ATP2C2: variants seen among roughly 807,000 people sequenced by gnomAD.
The protein encoded by ATP2C2 is calcium-transporting ATPase type 2C member 2.
Under a neutral mutation model 110.8 loss-of-function variants are expected in ATP2C2, and 171 were observed. The observed-to-expected ratio is 1.54, with a 90% CI of 1.36 to 1.75. The LOEUF (loss-of-function observed/expected upper bound fraction) is 1.75, where lower values mean the gene tolerates loss of function less well. ATP2C2 is among the 40% of genes most tolerant of loss of function. ATP2C2 has a pLI of 0.00. For missense variants in ATP2C2, 1,963 were observed against 1,235.0 expected (o/e 1.59, Z -8.84); for synonymous variants, 804 against 508.4 (o/e 1.58, Z -7.82).
rs1352005795 is a variant in ATP2C2, at chr16:84,442,735, C to G, written c.1401+136C>G. 4 of 797,310 alleles carry G rather than the reference C, an allele frequency of 5.0e-6. No homozygotes were observed. In the African/African-American group the frequency reaches 6.9e-5, roughly 14 times the overall value. 49.4% of individuals were successfully genotyped at this position (797,310 alleles called of 1,614,324 possible). A position where few individuals can be genotyped will look rare whatever the true frequency, so the allele number is the denominator to read the frequency against. ...ATGGAAGAAAATGGCCCACACTGGC[C>G]TTGGGCCATCTGTTGGTGGTGGAGG... is the stretch of plus-strand genomic sequence containing the variant. On this transcript the variant is annotated intron_variant, in intron 15 of 26. Coordinates refer to ENST00000262429, the MANE Select transcript of ATP2C2 (RefSeq NM_014861.4).
At chr16:84,441,737 G>T (rs748525235) in intron 14 of ATP2C2, among the ~76,000 whole-genome samples, 1 of 152,150 alleles carries the variant, frequency 6.6e-6, no homozygotes, top group African/African-American at 2.4e-5. Flanking sequence ...CCTGGCCCAC[G>T]TGGTGAAACC....
chr16:84,443,265 G>A (rs1461223102), intron 15 of ATP2C2, among the ~76,000 whole-genome samples: 4 of 152,180 alleles, frequency 2.6e-5, no homozygotes, highest in Admixed American at 2.0e-4. Flanking sequence ...GCAAAGGAAG[G>A]AAGAAGGTGG....
intron 11 of ATP2C2, among the ~76,000 whole-genome samples, chr16:84,429,621 G>C (rs1196307320): frequency 6.6e-6 from 1 of 152,178 alleles, no homozygotes; most frequent in African/African-American, 2.4e-5. Flanking sequence ...AAAGATTGTA[G>C]GTCTCAGTGG....
At chr16:84,374,296 C>A (rs1305519832) in intron 1 of ATP2C2, among the ~76,000 whole-genome samples, 2 of 152,172 alleles carry the variant, frequency 1.3e-5, no homozygotes, top group African/African-American at 4.8e-5. Flanking sequence ...TCTCTCTGAG[C>A]CATTGAAGCT....
At chr16:84,443,699 A>T (rs1909477661) in intron 15 of ATP2C2, among the ~76,000 whole-genome samples, 1 of 152,146 alleles carries the variant, frequency 6.6e-6, no homozygotes, top group Non-Finnish European at 1.5e-5. Flanking sequence ...ATCACTGAGC[A>T]CCAGGGCTCA....
At chr16:84,424,286 T>C (rs1453897555) in intron 10 of ATP2C2, among the ~76,000 whole-genome samples, 1 of 152,146 alleles carries the variant, frequency 6.6e-6, no homozygotes, top group Non-Finnish European at 1.5e-5. Context: ...GACATTTTTT[T>C]TGAGGGGGCA....
chr16:84,377,688 C>A (rs1022362228), intron 1 of ATP2C2, among the ~76,000 whole-genome samples: 1 of 152,040 alleles, frequency 6.6e-6, no homozygotes. Flanking sequence ...TAGTCACTTT[C>A]TGAGGATATG....
chr16:84,419,499 C>G (rs536272018), intron 7 of ATP2C2, among the ~76,000 whole-genome samples: 1 of 152,212 alleles, frequency 6.6e-6, no homozygotes. Context: ...CAGTTAGTCA[C>G]GTCTGCATAG....
intron 7 of ATP2C2, among the ~76,000 whole-genome samples, chr16:84,419,968 AG>A (rs914412908): frequency 2.6e-5 from 4 of 152,188 alleles, no homozygotes; most frequent in Non-Finnish European, 5.9e-5. Flanking sequence ...GGCGCAAAAC[AG>A]CCGTTTTAGG....
chr16:84,375,035 G>A (rs1262337788), intron 1 of ATP2C2, among the ~76,000 whole-genome samples: 1 of 152,074 alleles, frequency 6.6e-6, no homozygotes, highest in African/African-American at 2.4e-5. Flanking sequence ...TGGTAAGAAG[G>A]ACTTGTCTCA....
chr16:84,371,972 G>A (rs907243814), intron 1 of ATP2C2, among the ~76,000 whole-genome samples: 12 of 152,338 alleles, frequency 7.9e-5, no homozygotes, highest in Non-Finnish European at 1.2e-4. Context: ...TAATGCCAAC[G>A]TGTCAGAGCT....
At position 84,408,275 on chromosome 16, in the gene ATP2C2, T is replaced by A. The variant is rs889086271; in HGVS notation, c.328-130T>A. 1.1e-5 allele frequency: 9 copies of A among 834,244 alleles called. No homozygotes were observed. In the South Asian group the frequency reaches 1.4e-4, roughly 13 times the overall value. The allele number at this position is 834,244 out of a possible 1,614,324, so 51.7% of individuals were successfully genotyped here. A position where few individuals can be genotyped will look rare whatever the true frequency, so the allele number is the denominator to read the frequency against. Reference sequence around the variant, plus strand: ...TGGGGGTGGTCTCCCCAGCCCTCGGTCACCATGGTGTTGACCTGGAAGCCT... The same window carrying A: ...TGGGGGTGGTCTCCCCAGCCCTCGGACACCATGGTGTTGACCTGGAAGCCT... On this transcript the variant is annotated intron_variant, in intron 3 of 26. Transcript: ENST00000262429.
intron 17 of ATP2C2, among the ~76,000 whole-genome samples, chr16:84,451,219 C>T (rs989295383): frequency 1.3e-5 from 2 of 152,140 alleles, no homozygotes; most frequent in South Asian, 2.1e-4. Context: ...CATCAGCTCT[C>T]CTGAGATGTA....
rs763922209 is a variant in ATP2C2 at position 84,462,035 on chromosome 16, C to T, written c.2628C>T (p.Leu876=). ...EIGFLRNHMF[L]YSVLGSILGQ... ...GCTTTCTCAGGAACCACATGTTCCT[C>T]TACTCCGTCCTGGGGTCCATCCTGG... is the stretch of plus-strand genomic sequence containing the variant. Residue 876 remains leucine, a synonymous_variant, in exon 26 of 27, where the codon CTC becomes CTT. Coordinates refer to ENST00000262429, the MANE Select transcript of ATP2C2 (RefSeq NM_014861.4). 3 of 1,614,108 alleles carry T rather than the reference C, an allele frequency of 1.9e-6. No individual in the cohort carries two copies. The highest frequency in any genetic ancestry group is 2.5e-6 in the Non-Finnish European group (3 of 1,179,970).
Position 84,422,627 on chromosome 16 carries a change from AG to A in ATP2C2, c.778del. The A allele has an allele frequency of 6.2e-7, 1 of 1,612,732 alleles. No homozygotes were observed. The highest frequency in any genetic ancestry group is 1.3e-5 in the African/African-American group (1 of 74,950). On this transcript the variant is annotated splice_acceptor_variant, in intron 8 of 26. Transcript: ENST00000262429. LOFTEE classifies it high-confidence loss of function. ...TCATACTTCTCTCTCTCCTGGACAC[AG>A]GGGGTCGTGATTGGAACAGGGGAAA...
intron 7 of ATP2C2, among the ~76,000 whole-genome samples, chr16:84,421,695 C>A (rs911942873): frequency 6.6e-6 from 1 of 152,160 alleles, no homozygotes; most frequent in Admixed American, 6.5e-5. Flanking sequence ...TTTCTGGAAC[C>A]AGAGCTTCGG....
chr16:84,448,973 T>A (rs1910012512), intron 17 of ATP2C2, among the ~76,000 whole-genome samples: 1 of 152,254 alleles, frequency 6.6e-6, no homozygotes. Flanking sequence ...AAACATTGAT[T>A]TTCCCAATAG....
At chr16:84,395,538 A>G (rs1904919621) in intron 1 of ATP2C2, among the ~76,000 whole-genome samples, 1 of 149,022 alleles carries the variant, frequency 6.7e-6, no homozygotes. Flanking sequence ...GGCTCATTGC[A>G]ACCTCCGCCT....
chr16:84,438,844 C>G (rs897666902), intron 11 of ATP2C2, among the ~76,000 whole-genome samples: 1 of 152,210 alleles, frequency 6.6e-6, no homozygotes, highest in South Asian at 2.1e-4. Flanking sequence ...AACCCAAAGC[C>G]TTTTCTCTCT....
Sources: allele counts gnomAD v4.1 joint callset (sites outside exome capture counted in the v4.1 genomes callset), GRCh38; gene constraint gnomAD v4.1.1; transcripts MANE v1.5; gene names NCBI Gene and HGNC (gene_info 2026-07-23, HGNC 2026-07-21).